The following COBL variants were observed in gnomAD, a reference collection of about 807,000 sequenced individuals.
The protein encoded by COBL is protein cordon-bleu.
COBL carries 51 observed loss-of-function variants against 98.8 expected under a neutral mutation model. The observed-to-expected ratio is 0.52, with a 90% CI of 0.41 to 0.65. The LOEUF is 0.65. Among genes scored for constraint, COBL ranks in the 30% least tolerant of loss-of-function variants. The pLI is 0.00. For synonymous variants in COBL, 634 were observed against 651.7 expected (o/e 0.97, Z 0.41); for missense variants, 1,617 against 1,617.5 (o/e 1.00, Z 0.01).
chr7:51,316,791 A>T lies in COBL; in HGVS notation c.-158T>A. Reference sequence around the variant, plus strand: ...ACAGCGGCGGAGCGCGGCGGACGGAAGGGGCTGGAATCGTCTCTAGCGGGC... The same window carrying T: ...ACAGCGGCGGAGCGCGGCGGACGGATGGGGCTGGAATCGTCTCTAGCGGGC... On this transcript the variant is annotated 5_prime_UTR_variant, in exon 1 of 13. Coordinates refer to ENST00000265136, the MANE Select transcript of COBL (RefSeq NM_015198.5). 2 of 479,896 alleles carry T rather than the reference A, an allele frequency of 4.2e-6. No homozygotes were observed. The highest frequency in any genetic ancestry group is 6.1e-6 in the Non-Finnish European group (2 of 326,042). The allele number at this position is 479,896 out of a possible 1,614,324, so 29.7% of individuals were successfully genotyped here. A position where few individuals can be genotyped will look rare whatever the true frequency, so the allele number is the denominator to read the frequency against.
Position 51,029,578 on chromosome 7 carries a change from G to A in COBL, c.1518C>T (p.Ser506=). 1 of 1,591,626 alleles carries A rather than the reference G, an allele frequency of 6.3e-7. No homozygotes were observed. Among genetic ancestry groups the A allele is most frequent in the South Asian group, 1.1e-5 (1 of 89,502 alleles). Residue 506 remains serine, a synonymous_variant, in exon 10 of 13, where the codon AGC becomes AGT. Coordinates refer to ENST00000265136, the MANE Select transcript of COBL (RefSeq NM_015198.5). ...TGAGGGAGCTGGTGTCTGTTTCATA[G>A]CTGTCTTCCATTTCTGCAAAGAGGG... is the stretch of plus-strand genomic sequence containing the variant. ...LDEDLEEMED[S]YETDTSSLTS... is the part of the protein sequence containing the mutation.
At chr7:51,047,981 A>C (rs1346370521) in intron 7 of COBL, among the ~76,000 whole-genome samples, 2 of 152,178 alleles carry the variant, frequency 1.3e-5, no homozygotes, top group African/African-American at 4.8e-5. Flanking sequence ...AGCGTGGCCA[A>C]CATGGCAAAA....
chr7:51,177,279 T>C (rs1788464666), intron 5 of COBL, among the ~76,000 whole-genome samples: 1 of 152,196 alleles, frequency 6.6e-6, no homozygotes, highest in African/African-American at 2.4e-5. Flanking sequence ...CTCCAGGCAT[T>C]GCTTTCATAA....
intron 7 of COBL, among the ~76,000 whole-genome samples, chr7:51,083,906 T>C (rs1276109422): frequency 6.6e-6 from 1 of 152,120 alleles, no homozygotes; most frequent in Non-Finnish European, 1.5e-5. Context: ...TCCAACCACA[T>C]ACAGCCATTT....
At chr7:51,055,093 T>C (rs1334041109) in intron 7 of COBL, among the ~76,000 whole-genome samples, 2 of 152,178 alleles carry the variant, frequency 1.3e-5, no homozygotes, top group African/African-American at 4.8e-5. Flanking sequence ...GGTTGGCTAC[T>C]GCACGCATCC....
At chr7:51,117,138 TAA>T (rs1797344575) in intron 6 of COBL, among the ~76,000 whole-genome samples, 1 of 148,002 alleles carries the variant, frequency 6.8e-6, no homozygotes, top group Admixed American at 6.8e-5. Flanking sequence ...ATTTTCTCCT[TAA>T]GTCTATTTTT....
At chr7:51,075,029 A>G (rs922478469) in intron 7 of COBL, among the ~76,000 whole-genome samples, 8 of 152,244 alleles carry the variant, frequency 5.3e-5, no homozygotes, top group African/African-American at 1.9e-4. Flanking sequence ...TAACTTCAAC[A>G]TGATGGCATC....
chr7:51,187,188 G>A (rs963367815), intron 4 of COBL, among the ~76,000 whole-genome samples: 1 of 151,966 alleles, frequency 6.6e-6, no homozygotes, highest in African/African-American at 2.4e-5. Context: ...CTTGTCTAGA[G>A]GAGGAGACTC....
chr7:51,048,672 T>C (rs1362590622), intron 7 of COBL, among the ~76,000 whole-genome samples: 1 of 152,150 alleles, frequency 6.6e-6, no homozygotes, highest in Non-Finnish European at 1.5e-5. Flanking sequence ...GTATAGAATA[T>C]GTATCTAAGT....
At chr7:51,120,747 T>C (rs1272984579) in intron 6 of COBL, among the ~76,000 whole-genome samples, 1 of 152,212 alleles carries the variant, frequency 6.6e-6, no homozygotes, top group Non-Finnish European at 1.5e-5. Flanking sequence ...TGTATTTGTC[T>C]TTTTGTGACA....
At chr7:51,122,919 C>A (rs925636483) in intron 6 of COBL, among the ~76,000 whole-genome samples, 2 of 151,002 alleles carry the variant, frequency 1.3e-5, no homozygotes, top group African/African-American at 4.9e-5. Flanking sequence ...GAGGAGGCTG[C>A]AGTAGGCTGA....
chr7:51,107,741 G>A (rs1004524833), intron 6 of COBL, among the ~76,000 whole-genome samples: 1 of 152,122 alleles, frequency 6.6e-6, no homozygotes, highest in South Asian at 2.1e-4. Flanking sequence ...AGAACCCAAA[G>A]AGGCCCTTAG....
At chr7:51,047,129 A>G (rs1045842451) in intron 7 of COBL, among the ~76,000 whole-genome samples, 12 of 152,338 alleles carry the variant, frequency 7.9e-5, no homozygotes, top group African/African-American at 2.6e-4. Flanking sequence ...CAACTTTGCT[A>G]TTCTCTTAAG....
chr7:51,028,005 C>T lies in COBL; in HGVS notation c.3091G>A (p.Ala1031Thr). Reference protein sequence around the residue: ...PPPPHTSDTQACSRELVNGSV... With the variant: ...PPPPHTSDTQTCSRELVNGSV... The stretch of plus-strand genomic sequence containing the variant: ...CCATTGACCAGCTCCCTGCTGCAGG[C>T]CTGAGTGTCAGATGTGTGTGGAGGG... Residue 1031 changes from alanine to threonine, a missense_variant, in exon 10 of 13, where the codon GCC becomes ACC. This residue lies in a region of COBL where 1,304 missense variants were observed against 1,282.0 expected (regional missense o/e 1.02). Transcript: ENST00000265136. 1.2e-6 allele frequency: 2 copies of T among 1,602,868 alleles called. No individual in the cohort carries two copies. Among genetic ancestry groups the T allele is most frequent in the South Asian group, 2.3e-5 (2 of 88,736 alleles).
chr7:51,052,097 GATA>G (rs1242236702), intron 7 of COBL, among the ~76,000 whole-genome samples: 8 of 152,130 alleles, frequency 5.3e-5, no homozygotes, highest in Non-Finnish European at 1.2e-4. Flanking sequence ...TGTTCAAATG[GATA>G]ATATTTACCT....
rs759719600 is a variant in COBL at position 51,136,137 on chromosome 7, G to A, written c.957+21C>T. 3.1e-6 allele frequency: 5 copies of A among 1,597,968 alleles called. No homozygotes were observed. In the South Asian group the frequency reaches 4.5e-5, roughly 14 times the overall value. On this transcript the variant is annotated intron_variant, in intron 6 of 12. Coordinates refer to ENST00000265136, the MANE Select transcript of COBL (RefSeq NM_015198.5). ...GTCACTGAAAAGATGCTTTGGTTGT[G>A]AGAACAGCCCACTGCCCTACCTTTT...
chr7:51,062,858 C>T lies in COBL; in HGVS notation c.1097-19166G>A, dbSNP rs529307488. Among the ~76,000 whole-genome samples, 22 of 152,224 alleles carry T rather than the reference C, an allele frequency of 1.4e-4. No homozygotes were observed. The South Asian group carries it at 3.5e-3, about 24-fold the overall frequency. On this transcript the variant is annotated intron_variant, in intron 7 of 12. Transcript: ENST00000265136. ...GTCCTGGAAGAGGCTGTGAGACACC[C>T]GTGGAGAGCGCTGGGGCACACACAG...
At chr7:51,259,156 G>A (rs1287881726) in intron 1 of COBL, among the ~76,000 whole-genome samples, 2 of 151,964 alleles carry the variant, frequency 1.3e-5, no homozygotes, top group African/African-American at 2.4e-5. Flanking sequence ...ATGCAGTGGC[G>A]ATTGCCTGTA....
chr7:51,079,229 G>A (rs1344420516), intron 7 of COBL, among the ~76,000 whole-genome samples: 1 of 152,078 alleles, frequency 6.6e-6, no homozygotes, highest in Non-Finnish European at 1.5e-5. Flanking sequence ...GAAATCCACG[G>A]AGATTTTCAC....
Sources: allele counts gnomAD v4.1 joint callset (sites outside exome capture counted in the v4.1 genomes callset), GRCh38; gene constraint gnomAD v4.1.1; regional missense constraint gnomAD v4.1.1; transcripts MANE v1.5; gene names NCBI Gene and HGNC (gene_info 2026-07-23, HGNC 2026-07-21).